CEP192: variants seen among roughly 807,000 people sequenced by gnomAD.
The protein encoded by CEP192 is centrosomal protein 192, also known as centrosomal protein of 192 kDa.
Under a neutral mutation model 271.8 loss-of-function variants are expected in CEP192, and 151 were observed. The observed-to-expected ratio is 0.56, with a 90% CI of 0.49 to 0.64. CEP192 has a LOEUF of 0.64. CEP192 is among the 30% of genes least tolerant of loss of function. CEP192 has a pLI of 0.00. For missense variants in CEP192, 2,910 were observed against 3,020.5 expected, an observed-to-expected ratio of 0.96 and a Z score of 0.86; for synonymous variants, 995 against 1,076.5, an observed-to-expected ratio of 0.92 and a Z score of 1.48.
chr18:12,998,674 C>CT (rs2033414873), intron 1 of CEP192, among the ~76,000 whole-genome samples: 3 of 152,090 alleles, frequency 2.0e-5, no homozygotes, highest in African/African-American at 7.3e-5. Flanking sequence ...AATATCCTCT[C>CT]ATTTTTTTTA....
chr18:13,029,124 A>G (rs960772194), intron 9 of CEP192, among the ~76,000 whole-genome samples: 1 of 152,212 alleles, frequency 6.6e-6, no homozygotes, highest in African/African-American at 2.4e-5. Context: ...TTAGGAAGGA[A>G]TAAGAAGTGC....
chr18:13,095,970 TGTGTGCTTAA>T (rs575860922), intron 35 of CEP192, among the ~76,000 whole-genome samples: 25 of 152,202 alleles, frequency 1.6e-4, no homozygotes, highest in African/African-American at 6.0e-4. Flanking sequence ...GCTACGTGGG[TGTGTGCTTAA>T]GTTAAGACCA....
intron 39 of CEP192, chr18:13,103,983 C>T (rs147618349): frequency 1.8e-5 from 7 of 394,248 alleles, no homozygotes; most frequent in East Asian, 7.4e-5. Flanking sequence ...AGCTGCTGCA[C>T]CTGGCCTTGC....
In CEP192 at chr18:13,096,281, G is replaced by C; in HGVS notation, c.6531G>C (p.Thr2177=). ...LCWPAHCLTV[T]PQHGCVAPES... ...GGCCAGCGCATTGCCTCACAGTCAC[G>C]CCGCAGCATGGATGTGTCGCGCCAG... The change falls in exon 36 of 45, where the codon ACG becomes ACC. Residue 2177 remains threonine (T), a synonymous_variant. Transcript: ENST00000506447. 1.2e-6 allele frequency: 2 copies of C among 1,613,848 alleles called. No homozygotes were observed. The highest frequency in any genetic ancestry group is 1.7e-5 in the Admixed American group (1 of 60,008).
chr18:13,092,324 G>A lies in CEP192; in HGVS notation c.6104-53G>A, dbSNP rs1225927541. 2.0e-5 allele frequency: 24 copies of A among 1,214,572 alleles called. No homozygotes were observed. In the South Asian group the frequency reaches 2.8e-4, roughly 14 times the overall value. The allele number at this position is 1,214,572 out of a possible 1,614,324, so 75.2% of individuals were successfully genotyped here. ...AATATACAAATGTATCTGTTACTTT[G>A]TGGTATGCTTGTGTGAACATTCATG... On this transcript the variant is annotated intron_variant, in intron 33 of 44. Coordinates refer to ENST00000506447, the MANE Select transcript of CEP192 (RefSeq NM_032142.4).
intron 9 of CEP192, among the ~76,000 whole-genome samples, chr18:13,025,892 T>C (rs1837938879): frequency 6.6e-6 from 1 of 152,218 alleles, no homozygotes; most frequent in Admixed American, 6.5e-5. Flanking sequence ...AACAATGTTA[T>C]TAGACCAGTT....
chr18:13,035,158 A>G (rs1449764917), intron 11 of CEP192, among the ~76,000 whole-genome samples: 1 of 152,230 alleles, frequency 6.6e-6, no homozygotes, highest in Non-Finnish European at 1.5e-5. Context: ...AGTTCAGAGA[A>G]AAAGCATTTA....
intron 20 of CEP192, chr18:13,058,848 T>C (rs2037256783): frequency 1.1e-5 from 6 of 529,136 alleles, no homozygotes; most frequent in Non-Finnish European, 2.0e-5. Context: ...TGTGCTTGCT[T>C]GGAGGTGGAC....
chr18:13,122,079 A>T (rs940085074), intron 44 of CEP192, among the ~76,000 whole-genome samples: 2 of 152,242 alleles, frequency 1.3e-5, no homozygotes, highest in Admixed American at 6.5e-5. Context: ...ATCTGAGGTC[A>T]GGAGTTCAAG....
At chr18:13,032,599 A>G (rs942499448) in intron 11 of CEP192, among the ~76,000 whole-genome samples, 10 of 152,208 alleles carry the variant, frequency 6.6e-5, no homozygotes, top group Non-Finnish European at 1.3e-4. Flanking sequence ...GTAAGGGTGA[A>G]CTTTATGAAC....
rs1292301913 is a variant in CEP192, at chr18:13,029,677, A to G, written c.1065A>G (p.Lys355=). 2.7e-6 allele frequency: 4 copies of G among 1,508,562 alleles called. No homozygotes were observed. The African/African-American group carries it at 5.6e-5, about 21-fold the overall frequency. 93.4% of individuals were successfully genotyped at this position (1,508,562 alleles called of 1,614,324 possible). The change falls in exon 10 of 45, where the codon AAA becomes AAG. Residue 355 remains lysine, a synonymous_variant. Coordinates refer to ENST00000506447, the MANE Select transcript of CEP192 (RefSeq NM_032142.4). ...VPDLNSECAS[K]DVLVKTLRAI... is the part of the protein sequence containing the mutation. ...TTGTTTTAAAGGAATGTGCAAGTAA[A>G]GATGTTCTGGTGAAGACCCTCAGGG...
At position 13,117,139 on chromosome 18, in the gene CEP192, C is replaced by A. The variant is rs542396502; in HGVS notation, c.7417-446C>A. Among the ~76,000 whole-genome samples, 234 of 151,958 alleles carry A rather than the reference C, an allele frequency of 1.5e-3. 1 individual carries two copies. Among genetic ancestry groups the A allele is most frequent in the Non-Finnish European group, 2.7e-3 (181 of 67,980 alleles). ...CTTGTGGGGGCTGAGCTGAGAGGAT[C>A]GCTTTAGGCTGGGAGGTTGAGGCTG... On this transcript the variant is annotated intron_variant, in intron 43 of 44. Transcript: ENST00000506447.
intron 30 of CEP192, among the ~76,000 whole-genome samples, chr18:13,081,046 T>G (rs1170320623): frequency 5.9e-5 from 9 of 152,208 alleles, no homozygotes; most frequent in Non-Finnish European, 1.5e-5. Flanking sequence ...TTGCCAGTAT[T>G]TTATTGAAGA....
chr18:13,043,235 C>T (rs150875143), intron 15 of CEP192, among the ~76,000 whole-genome samples: 75 of 152,242 alleles, frequency 4.9e-4, no homozygotes, highest in Admixed American at 1.6e-3. Context: ...ATGGACAGTT[C>T]GTTTTATTTG....
intron 1 of CEP192, among the ~76,000 whole-genome samples, chr18:12,997,070 G>A (rs1386598542): frequency 6.6e-6 from 1 of 152,076 alleles, no homozygotes; most frequent in Non-Finnish European, 1.5e-5. Context: ...AGCGTGGGAG[G>A]GCTTGCACAG....
At chr18:13,034,533 C>G (rs894917745) in intron 11 of CEP192, among the ~76,000 whole-genome samples, 8 of 151,860 alleles carry the variant, frequency 5.3e-5, no homozygotes, top group African/African-American at 1.9e-4. Flanking sequence ...CTCGGCCGGG[C>G]GCAGTGGCTT....
chr18:13,114,287 C>T, intron 42 of CEP192, 36 bp downstream of exon 42: 1 of 1,605,968 alleles, frequency 6.2e-7, no homozygotes, highest in Non-Finnish European at 8.5e-7. Context: ...AGTTTTTTCC[C>T]AGTACTTTAT....
At chr18:13,051,338 G>A (rs1380844891) in intron 17 of CEP192, among the ~76,000 whole-genome samples, 2 of 151,970 alleles carry the variant, frequency 1.3e-5, no homozygotes, top group African/African-American at 2.4e-5. Context: ...AACATTTTCC[G>A]TGCTGTATCA....
At chr18:13,016,035 C>G (rs140802536) in intron 6 of CEP192, among the ~76,000 whole-genome samples, 1 of 152,140 alleles carries the variant, frequency 6.6e-6, no homozygotes, top group African/African-American at 2.4e-5. Context: ...CGTGAGCCAT[C>G]GCGCCTGGCC....
Sources: allele counts gnomAD v4.1 joint callset (sites outside exome capture counted in the v4.1 genomes callset), GRCh38; gene constraint gnomAD v4.1.1; transcripts MANE v1.5; gene names NCBI Gene and HGNC (gene_info 2026-07-23, HGNC 2026-07-21).